AGPAT3: variants seen among roughly 807,000 people sequenced by gnomAD.
The protein encoded by AGPAT3 is 1-acylglycerol-3-phosphate O-acyltransferase 3.
AGPAT3 carries 5 observed loss-of-function variants against 47.3 expected under a neutral mutation model. The observed-to-expected ratio is 0.11, with a 90% CI of 0.06 to 0.22. The LOEUF (loss-of-function observed/expected upper bound fraction) is 0.22. AGPAT3 is among the 10% of genes least tolerant of loss of function. The pLI, the probability that AGPAT3 is intolerant of heterozygous loss-of-function variation, is 1.00. For missense variants in AGPAT3, 315 were observed against 493.0 expected (o/e 0.64, Z 3.42); for synonymous variants, 212 against 208.3 (o/e 1.02, Z -0.15).
At chr21:43,866,747 G>A (rs2085516043) in intron 1 of AGPAT3, 1 of 152,298 alleles carries the variant, frequency 6.6e-6, no homozygotes, top group Admixed American at 6.5e-5. Flanking sequence ...AGGGCCCCTT[G>A]GCCTTAGAAG....
At chr21:43,919,995 G>A (rs1415003320) in intron 2 of AGPAT3, 1 of 152,214 alleles carries the variant, frequency 6.6e-6, no homozygotes, top group Non-Finnish European at 1.5e-5. Flanking sequence ...TCATGTGTGG[G>A]TGCCATGCGG....
chr21:43,967,998 G>A lies in AGPAT3; in HGVS notation c.231G>A (p.Thr77=), dbSNP rs778591240. ...CCTGCACGGAGTGTACACTGTTCAC[G>A]GACCAGGCCACGGTAGAGCGCTTTG... ...WWSCTECTLF[T]DQATVERFGK... The change falls in exon 4 of 10, where the codon ACG becomes ACA. Residue 77 remains threonine, a synonymous_variant. Transcript: ENST00000291572. The A allele has an allele frequency of 1.7e-5, 28 of 1,614,024 alleles. 1 individual carries two copies. The highest frequency in any genetic ancestry group is 1.6e-4 in the Middle Eastern group (1 of 6,062).
chr21:43,888,946 G>A (rs1037300973), intron 1 of AGPAT3, among the ~76,000 whole-genome samples: 1 of 151,832 alleles, frequency 6.6e-6, no homozygotes, highest in Admixed American at 6.6e-5. Flanking sequence ...CTTAGATTGT[G>A]TCATTGCACT....
rs577734205 is a variant in AGPAT3 at position 43,959,622 on chromosome 21, C to T, written c.-48-12C>T. 47 of 1,602,594 alleles carry T rather than the reference C, an allele frequency of 2.9e-5. No individual in the cohort carries two copies. In the African/African-American group the frequency reaches 5.2e-4, roughly 18 times the overall value. ...GGCCACCCTGACGCTGTCCCTGTCCCTGTCTTTGCAGGACGGCTGTCCTCA... is the reference window on the plus strand; with the variant it reads ...GGCCACCCTGACGCTGTCCCTGTCCTTGTCTTTGCAGGACGGCTGTCCTCA... On this transcript the variant is annotated splice_polypyrimidine_tract_variant and intron_variant, in intron 2 of 9. Transcript: ENST00000291572.
intron 1 of AGPAT3, among the ~76,000 whole-genome samples, chr21:43,898,459 A>C (rs1480454338): frequency 6.6e-6 from 1 of 152,226 alleles, no homozygotes; most frequent in South Asian, 2.1e-4. Flanking sequence ...ACACTCGGGA[A>C]TATCCAAGGA....
At position 43,910,132 on chromosome 21, in the gene AGPAT3, A is replaced by C. The variant is rs534786286; in HGVS notation, c.-49+6113A>C. 1.9e-4 allele frequency among the ~76,000 whole-genome samples: 29 copies of C among 152,346 alleles called. No homozygotes were observed. In the South Asian group the frequency reaches 5.4e-3, roughly 28 times the overall value. On this transcript the variant is annotated intron_variant, in intron 2 of 9. Transcript: ENST00000291572. ...AAGGGGAGCCTGCAGGGTGTGACTC[A>C]CACCTATCTCAGGAACACAGAGGAC...
chr21:43,876,810 C>G (rs1036649627), intron 1 of AGPAT3, among the ~76,000 whole-genome samples: 3 of 152,148 alleles, frequency 2.0e-5, no homozygotes, highest in African/African-American at 7.2e-5. Context: ...ACGTCATTAT[C>G]AAATGCTTTT....
At chr21:43,962,612 C>T (rs2088928486) in intron 3 of AGPAT3, among the ~76,000 whole-genome samples, 1 of 152,134 alleles carries the variant, frequency 6.6e-6, no homozygotes, top group East Asian at 1.9e-4. Flanking sequence ...ATCCCTTTAG[C>T]AAAAACCGGG....
intron 2 of AGPAT3, among the ~76,000 whole-genome samples, chr21:43,951,340 A>G (rs1325226777): frequency 6.6e-6 from 1 of 152,186 alleles, no homozygotes; most frequent in African/African-American, 2.4e-5. Context: ...CCACAACTCA[A>G]AACTCCTGTC....
intron 7 of AGPAT3, among the ~76,000 whole-genome samples, chr21:43,972,916 G>T (rs2089457867): frequency 6.6e-6 from 1 of 152,204 alleles, no homozygotes; most frequent in South Asian, 2.1e-4. Context: ...GTCACTATAT[G>T]TGTTTCCATA....
chr21:43,868,616 TCC>T (rs1322219631), intron 1 of AGPAT3, among the ~76,000 whole-genome samples: 2 of 152,202 alleles, frequency 1.3e-5, no homozygotes, highest in Admixed American at 1.3e-4. Flanking sequence ...GAAATACCTG[TCC>T]TGAGATCGAT....
At chr21:43,886,330 T>G (rs553183367) in intron 1 of AGPAT3, among the ~76,000 whole-genome samples, 1 of 152,284 alleles carries the variant, frequency 6.6e-6, no homozygotes, top group Admixed American at 6.5e-5. Flanking sequence ...CTCGGCTCAC[T>G]GCAACCTCTG....
intron 7 of AGPAT3, among the ~76,000 whole-genome samples, chr21:43,974,358 G>A (rs1321266539): frequency 6.6e-6 from 1 of 151,596 alleles, no homozygotes; most frequent in Non-Finnish European, 1.5e-5. Flanking sequence ...AATTACATAT[G>A]TGTATGGTGT....
Position 43,955,234 on chromosome 21 carries a change from C to T in AGPAT3, c.-48-4400C>T, listed in dbSNP as rs1394899904. 10 of 1,227,622 alleles carry T rather than the reference C, an allele frequency of 8.1e-6. No homozygotes were observed. The highest frequency in any genetic ancestry group is 1.0e-5 in the Non-Finnish European group (10 of 952,494). The allele number at this position is 1,227,622 out of a possible 1,614,324, so 76.0% of individuals were successfully genotyped here. A position where few individuals can be genotyped will look rare whatever the true frequency, so the allele number is the denominator to read the frequency against. On this transcript the variant is annotated intron_variant, in intron 2 of 9. Transcript: ENST00000291572. The surrounding 1 kb of genome is among the most constrained non-coding windows in gnomAD (Gnocchi z 4.1). The stretch of plus-strand genomic sequence containing the variant: ...CATGGGATTCTGTGTTTGTGAACCT[C>T]TAGAAAAGGTAAATTAACCTATAGA...
At position 43,922,344 on chromosome 21, in the gene AGPAT3, G is replaced by A. The variant is rs1455043975; in HGVS notation, c.-49+18325G>A. Reference sequence around the variant, plus strand: ...GAAGCGTGGGGGGAAGCGTGCGTGCGAAGGAGTGCAGCCCCCAGGACGCTG... The same window carrying A: ...GAAGCGTGGGGGGAAGCGTGCGTGCAAAGGAGTGCAGCCCCCAGGACGCTG... On this transcript the variant is annotated intron_variant, in intron 2 of 9. Coordinates refer to ENST00000291572, the MANE Select transcript of AGPAT3 (RefSeq NM_020132.5). The surrounding 1 kb of genome is among the most constrained non-coding windows in gnomAD (Gnocchi z 4.9). Among the ~76,000 whole-genome samples the A allele has an allele frequency of 2.0e-5, 3 of 152,228 alleles. No individual in the cohort carries two copies. The highest frequency in any genetic ancestry group is 2.9e-5 in the Non-Finnish European group (2 of 68,052).
intron 1 of AGPAT3, among the ~76,000 whole-genome samples, chr21:43,888,834 T>C (rs1402479898): frequency 6.6e-6 from 1 of 152,018 alleles, no homozygotes; most frequent in Non-Finnish European, 1.5e-5. Context: ...ACTGAAAATA[T>C]AAAAATTAGC....
chr21:43,896,483 A>G (rs930496712), intron 1 of AGPAT3, among the ~76,000 whole-genome samples: 7 of 152,252 alleles, frequency 4.6e-5, no homozygotes, highest in African/African-American at 1.2e-4. Context: ...CAAATCTTCT[A>G]TACTAAGGGT....
intron 3 of AGPAT3, among the ~76,000 whole-genome samples, chr21:43,964,599 T>C (rs1378663918): frequency 6.6e-6 from 1 of 152,204 alleles, no homozygotes; most frequent in Non-Finnish European, 1.5e-5. Context: ...GGTAAATCTC[T>C]TTTGTTAATG....
intron 2 of AGPAT3, among the ~76,000 whole-genome samples, chr21:43,917,741 C>A (rs1056330357): frequency 2.7e-5 from 4 of 150,598 alleles, no homozygotes; most frequent in South Asian, 2.1e-4. Flanking sequence ...ACCGGGTGGT[C>A]GAGTTGGCAT....
Sources: gnomAD v4.1 joint callset for allele counts (sites outside exome capture counted in the v4.1 genomes callset) on GRCh38, gnomAD v4.1.1 for gene constraint, Gnocchi (gnomAD v3.1) non-coding constraint, MANE v1.5 for transcripts, NCBI Gene and HGNC (gene_info 2026-07-23, HGNC 2026-07-21) for gene names.